TPMT: variants seen among roughly 807,000 people sequenced by gnomAD.
TPMT encodes the protein S-adenosyl-L-methionine:thiopurine S-methyltransferase.
TPMT carries 18 observed loss-of-function variants against 34.2 expected under a neutral mutation model. That is an observed-to-expected ratio of 0.53 (90% CI 0.36 to 0.78). The LOEUF is 0.78. Ranked by LOEUF, TPMT falls within the 30% of genes least tolerant of loss-of-function variation. The pLI is 0.00. For missense variants in TPMT, 265 were observed against 288.1 expected, an observed-to-expected ratio of 0.92 and a Z score of 0.58; for synonymous variants, 69 against 92.4, an observed-to-expected ratio of 0.75 and a Z score of 1.45.
chr6:18,139,282 A>T lies in TPMT; in HGVS notation c.420-245T>A, dbSNP rs1389354281. 6.6e-6 allele frequency among the ~76,000 whole-genome samples: 1 copy of T among 152,206 alleles called. No individual in the cohort carries two copies. Among genetic ancestry groups the T allele is most frequent in the East Asian group, 1.9e-4 (1 of 5,190 alleles). On this transcript the variant is annotated intron_variant, in intron 5 of 8. Transcript: ENST00000309983. The surrounding 1 kb of genome is among the most constrained non-coding windows in gnomAD (Gnocchi z 4.2). ...TGATTTGGGGACATGAAGAAGGAACAAAGGACAGTGTGCAACAACTCTGCC... is the reference window on the plus strand; with the variant it reads ...TGATTTGGGGACATGAAGAAGGAACTAAGGACAGTGTGCAACAACTCTGCC...
rs1217733725 is a variant in TPMT at position 18,148,617 on chromosome 6, G to A, written c.140+371C>T. On this transcript the variant is annotated intron_variant, in intron 2 of 8. Coordinates refer to ENST00000309983, the MANE Select transcript of TPMT (RefSeq NM_000367.5). The surrounding 1 kb of genome is among the most constrained non-coding windows in gnomAD (Gnocchi z 4.1). ...CTTTAACATCTGAACACATCCTATT[G>A]GAAAGCAAAGTCAGACACCACTGAT... Among the ~76,000 whole-genome samples, 2 of 152,118 alleles carry A rather than the reference G, an allele frequency of 1.3e-5. No individual in the cohort carries two copies. The highest frequency in any genetic ancestry group is 2.9e-5 in the Non-Finnish European group (2 of 68,026).
rs1784100401 is a variant in TPMT at position 18,139,421 on chromosome 6, TACTC to T, written c.419+240_419+243del. ...AGGTGCAAGGTAGAAGACACTGTCT[TACTC>T]ACCTTTCTTTTTCCCTAGCTGCCTC... On this transcript the variant is annotated intron_variant, in intron 5 of 8. Transcript: ENST00000309983. The surrounding 1 kb of genome is among the most constrained non-coding windows in gnomAD (Gnocchi z 4.2). Among the ~76,000 whole-genome samples the T allele has an allele frequency of 6.6e-6, 1 of 152,220 alleles. No individual in the cohort carries two copies. The highest frequency in any genetic ancestry group is 2.4e-5 in the African/African-American group (1 of 41,466).
rs1340378490 is a variant in TPMT at position 18,131,665 on chromosome 6, A to G, written c.625+468T>C. ...CATAGAGCATATAGCATATATACAG[A>G]GCATATTTACAGAGATTAGTTCCTT... On this transcript the variant is annotated intron_variant, in intron 8 of 8. Coordinates refer to ENST00000309983, the MANE Select transcript of TPMT (RefSeq NM_000367.5). This position sits in a 1 kb window ranked among gnomAD's most constrained non-coding sequence, Gnocchi z 4.3. 1.3e-5 allele frequency among the ~76,000 whole-genome samples: 2 copies of G among 152,212 alleles called. No homozygotes were observed. Among genetic ancestry groups the G allele is most frequent in the Non-Finnish European group, 2.9e-5 (2 of 68,044 alleles).
chr6:18,139,602 C>A lies in TPMT; in HGVS notation c.419+63G>T. On this transcript the variant is annotated intron_variant, in intron 5 of 8. Coordinates refer to ENST00000309983, the MANE Select transcript of TPMT (RefSeq NM_000367.5). This position sits in a 1 kb window ranked among gnomAD's most constrained non-coding sequence, Gnocchi z 4.2. ...AGAGTGAGGAAGACACCTCCACTCC[C>A]ATGCCTGCACTGCCTGGCAAGCATT... is the stretch of plus-strand genomic sequence containing the variant. 7.5e-7 allele frequency: 1 copy of A among 1,338,652 alleles called. No homozygotes were observed. The highest frequency in any genetic ancestry group is 1.2e-5 in the South Asian group (1 of 84,358). 82.9% of individuals were successfully genotyped at this position (1,338,652 alleles called of 1,614,324 possible).
chr6:18,137,575 C>T (rs1294685015), intron 6 of TPMT, among the ~76,000 whole-genome samples: 1 of 152,104 alleles, frequency 6.6e-6, no homozygotes, highest in Non-Finnish European at 1.5e-5. Context: ...CAGTATGCTT[C>T]CTCACTCATA....
chr6:18,139,108 T>TG lies in TPMT; in HGVS notation c.420-72dup. Reference sequence around the variant, plus strand: ...TTAAGAAGATGAGCAGCGTCCCCCATGGTGCATGCTGGTACTTCAACAATC... The same window carrying TG: ...TTAAGAAGATGAGCAGCGTCCCCCATGGGTGCATGCTGGTACTTCAACAATC... On this transcript the variant is annotated intron_variant, in intron 5 of 8. Coordinates refer to ENST00000309983, the MANE Select transcript of TPMT (RefSeq NM_000367.5). This position sits in a 1 kb window ranked among gnomAD's most constrained non-coding sequence, Gnocchi z 4.2. 8.0e-7 allele frequency: 1 copy of TG among 1,244,792 alleles called. No individual in the cohort carries two copies. Among genetic ancestry groups the TG allele is most frequent in the East Asian group, 2.3e-5 (1 of 43,280 alleles). 77.1% of individuals were successfully genotyped at this position (1,244,792 alleles called of 1,614,324 possible).
rs542135247 is a variant in TPMT, at chr6:18,146,035, G to A, written c.233+1788C>T. ...TTTGTTTTAATGCTTTTTGGCCTTAGCTCATGGTCAGTTTTTCTATTCACA... is the reference window on the plus strand; with the variant it reads ...TTTGTTTTAATGCTTTTTGGCCTTAACTCATGGTCAGTTTTTCTATTCACA... On this transcript the variant is annotated intron_variant, in intron 3 of 8. Transcript: ENST00000309983. The surrounding 1 kb of genome is among the most constrained non-coding windows in gnomAD (Gnocchi z 6.2). Among the ~76,000 whole-genome samples, 14 of 152,090 alleles carry A rather than the reference G, an allele frequency of 9.2e-5. No individual in the cohort carries two copies. In the East Asian group the frequency reaches 2.5e-3, roughly 27 times the overall value.
chr6:18,144,515 A>T (rs1345961341), intron 3 of TPMT, among the ~76,000 whole-genome samples: 1 of 151,876 alleles, frequency 6.6e-6, no homozygotes, highest in East Asian at 1.9e-4. Flanking sequence ...AGTAGCTGGG[A>T]TTACAGGTGC....
At chr6:18,151,965 C>T (rs1784362368) in intron 1 of TPMT, among the ~76,000 whole-genome samples, 4 of 152,210 alleles carry the variant, frequency 2.6e-5, no homozygotes, top group African/African-American at 9.7e-5. Context: ...ATCATATCTT[C>T]TCAGTCTAGA....
In TPMT at chr6:18,130,423, G is replaced by A. The variant is rs1783919119; in HGVS notation, c.*245C>T. 1.1e-5 allele frequency: 5 copies of A among 455,384 alleles called. No individual in the cohort carries two copies. The highest frequency in any genetic ancestry group is 1.6e-5 in the Non-Finnish European group (4 of 250,898). The allele number at this position is 455,384 out of a possible 1,614,324, so 28.2% of individuals were successfully genotyped here. The stretch of plus-strand genomic sequence containing the variant: ...TATCTTGCAATCTGCAAGACACATA[G>A]GCATAATCTTTCACATCATAATCTC... On this transcript the variant is annotated 3_prime_UTR_variant, in exon 9 of 9. Coordinates refer to ENST00000309983, the MANE Select transcript of TPMT (RefSeq NM_000367.5). This position sits in a 1 kb window ranked among gnomAD's most constrained non-coding sequence, Gnocchi z 4.2.
upstream of TPMT, chr6:18,155,135 TCCGCCCGCGCCCCGCCTCCGCC>T (rs1784473324): frequency 1.2e-4 from 1 of 8,060 alleles, no homozygotes; most frequent in African/African-American, 2.8e-4. The surrounding 1 kb of genome is among the most constrained non-coding windows in gnomAD (Gnocchi z 6.2). Flanking sequence ...GCGCCCCGCC[TCCGCCCGCGCCCCGCCTCCGCC>T]CGCGCCCCGC....
In TPMT at chr6:18,148,660, G is replaced by A. The variant is rs9477637; in HGVS notation, c.140+328C>T. Among the ~76,000 whole-genome samples, 1 of 152,210 alleles carries A rather than the reference G, an allele frequency of 6.6e-6. No homozygotes were observed. The highest frequency in any genetic ancestry group is 6.5e-5 in the Admixed American group (1 of 15,270). The stretch of plus-strand genomic sequence containing the variant: ...CCACTGATTTTCAGTATGAAGAATT[G>A]TAAGCATAAACATTGCTTGAGCACC... On this transcript the variant is annotated intron_variant, in intron 2 of 8. Transcript: ENST00000309983. The surrounding 1 kb of genome is among the most constrained non-coding windows in gnomAD (Gnocchi z 4.1).
At chr6:18,142,802 C>G (rs1582043689) in intron 4 of TPMT, among the ~76,000 whole-genome samples, 1 of 152,256 alleles carries the variant, frequency 6.6e-6, no homozygotes. Flanking sequence ...AGCCAGTCAT[C>G]TGAGCCAGAA....
At chr6:18,142,074 C>G (rs1355512956) in intron 4 of TPMT, among the ~76,000 whole-genome samples, 2 of 152,114 alleles carry the variant, frequency 1.3e-5, no homozygotes, top group African/African-American at 4.8e-5. Context: ...ATCTGTGAGC[C>G]CTATGTAAAT....
chr6:18,154,132 G>A lies in TPMT; in HGVS notation c.-45+901C>T, dbSNP rs1249842048. On this transcript the variant is annotated intron_variant, in intron 1 of 8. Coordinates refer to ENST00000309983, the MANE Select transcript of TPMT (RefSeq NM_000367.5). This position sits in a 1 kb window ranked among gnomAD's most constrained non-coding sequence, Gnocchi z 4.2. Reference sequence around the variant, plus strand: ...AGGGTCTTGCTATGTTACCCAGGCTGGTCTCAAACTCCTGGGCTCAACGTC... The same window carrying A: ...AGGGTCTTGCTATGTTACCCAGGCTAGTCTCAAACTCCTGGGCTCAACGTC... Among the ~76,000 whole-genome samples the A allele has an allele frequency of 6.6e-6, 1 of 152,118 alleles. No individual in the cohort carries two copies. The highest frequency in any genetic ancestry group is 1.5e-5 in the Non-Finnish European group (1 of 68,030).
Position 18,154,480 on chromosome 6 carries a change from A to G in TPMT, c.-45+553T>C, listed in dbSNP as rs1784436218. 6.6e-6 allele frequency among the ~76,000 whole-genome samples: 1 copy of G among 152,204 alleles called. No individual in the cohort carries two copies. The highest frequency in any genetic ancestry group is 2.4e-5 in the African/African-American group (1 of 41,448). ...ACCTGTGTAACCACCGCAGAGCAAG[A>G]CAGAATATTTACAGCACCCCAGTTT... On this transcript the variant is annotated intron_variant, in intron 1 of 8. Transcript: ENST00000309983. This position sits in a 1 kb window ranked among gnomAD's most constrained non-coding sequence, Gnocchi z 4.2.
intron 3 of TPMT, among the ~76,000 whole-genome samples, chr6:18,144,119 A>T (rs746975251): frequency 3.9e-5 from 6 of 152,194 alleles, no homozygotes; most frequent in Non-Finnish European, 8.8e-5. Context: ...AAATGTCTAT[A>T]TCTGTCGCTG....
At chr6:18,137,440 T>G (rs1311415898) in intron 6 of TPMT, among the ~76,000 whole-genome samples, 1 of 152,082 alleles carries the variant, frequency 6.6e-6, no homozygotes, top group Non-Finnish European at 1.5e-5. Context: ...CAGCCTCCTT[T>G]TTGGCCAAGT....
rs577620443 is a variant in TPMT, at chr6:18,131,648, A to G, written c.625+485T>C. 6.2e-4 allele frequency among the ~76,000 whole-genome samples: 95 copies of G among 152,336 alleles called. No individual in the cohort carries two copies. Among genetic ancestry groups the G allele is most frequent in the African/African-American group, 2.1e-3 (88 of 41,586 alleles). On this transcript the variant is annotated intron_variant, in intron 8 of 8. Transcript: ENST00000309983. This position sits in a 1 kb window ranked among gnomAD's most constrained non-coding sequence, Gnocchi z 4.3. ...AGTTCAAATACCTTTAACATAGAGC[A>G]TATAGCATATATACAGAGCATATTT...
Sources: gnomAD v4.1 joint callset for allele counts (sites outside exome capture counted in the v4.1 genomes callset) on GRCh38, gnomAD v4.1.1 for gene constraint, Gnocchi (gnomAD v3.1) non-coding constraint, MANE v1.5 for transcripts, NCBI Gene and HGNC (gene_info 2026-07-23, HGNC 2026-07-21) for gene names.